Variants in COL4A3 observed in about 807,000 individuals in gnomAD.
The protein encoded by COL4A3 is collagen alpha-3(IV) chain.
A neutral mutation model predicts 217.4 loss-of-function variants in COL4A3; 135 were observed. The observed-to-expected ratio is 0.62, with a 90% CI of 0.54 to 0.72. The LOEUF (loss-of-function observed/expected upper bound fraction) is 0.72, where lower values mean the gene tolerates loss of function less well. COL4A3 is among the 30% of genes least tolerant of loss of function. COL4A3 has a pLI of 0.00. For missense variants in COL4A3, 1,868 were observed against 2,119.9 expected (o/e 0.88, Z 2.33); for synonymous variants, 690 against 736.3 (o/e 0.94, Z 1.02).
rs1268198866 is a variant in COL4A3 at position 227,274,938 on chromosome 2, T to C, written c.1928-1447T>C. Among the ~76,000 whole-genome samples, 3 of 152,240 alleles carry C rather than the reference T, an allele frequency of 2.0e-5. No homozygotes were observed. The East Asian group carries it at 5.8e-4, about 29-fold the overall frequency. On this transcript the variant is annotated intron_variant, in intron 26 of 51. Transcript: ENST00000396578. ...TCAAATGATTGAAAAAAATGTTTAATGATATTTTGTGATGCATGAAAATTA... is the reference window on the plus strand; with the variant it reads ...TCAAATGATTGAAAAAAATGTTTAACGATATTTTGTGATGCATGAAAATTA...
chr2:227,256,467 C>T, intron 17 of COL4A3, 71 bp downstream of exon 17: 1 of 1,220,114 alleles, frequency 8.2e-7, no homozygotes, highest in African/African-American at 1.5e-5. Context: ...ACCTCCAACC[C>T]TGGACCTAAG....
intron 1 of COL4A3, among the ~76,000 whole-genome samples, chr2:227,216,576 G>A (rs569688574): frequency 1.3e-5 from 2 of 152,082 alleles, no homozygotes; most frequent in South Asian, 4.2e-4. Flanking sequence ...AAGAAAGGAA[G>A]GTAGAAAGCC....
rs1268528698 is a variant in COL4A3, at chr2:227,164,870, C to T, written c.87+57C>T. Reference sequence around the variant, plus strand: ...CACTTCCATCCCTCCTCCACGCGTCCGGGGGACGCGCTGGCCCCACCCGCA... The same window carrying T: ...CACTTCCATCCCTCCTCCACGCGTCTGGGGGACGCGCTGGCCCCACCCGCA... On this transcript the variant is annotated intron_variant, in intron 1 of 51. Transcript: ENST00000396578. This position sits in a 1 kb window ranked among gnomAD's most constrained non-coding sequence, Gnocchi z 4.8. 3 of 1,427,838 alleles carry T rather than the reference C, an allele frequency of 2.1e-6. No individual in the cohort carries two copies. The highest frequency in any genetic ancestry group is 2.7e-6 in the Non-Finnish European group (3 of 1,097,044). The allele number at this position is 1,427,838 out of a possible 1,614,324, so 88.4% of individuals were successfully genotyped here. A position where few individuals can be genotyped will look rare whatever the true frequency, so the allele number is the denominator to read the frequency against.
In COL4A3 at chr2:227,289,201, C is replaced by A. The variant is rs1205708798; in HGVS notation, c.2933C>A (p.Pro978Gln). The change falls in exon 35 of 52, where the codon CCA becomes CAA. Residue 978 changes from proline to glutamine, a missense_variant. This residue lies in a region of COL4A3 where 1,503 missense variants were observed against 1,786.1 expected (regional missense o/e 0.84). Transcript: ENST00000396578. ...GGAAACAGAGGCGTTCCAGGGATGC[C>A]AGGTTTAAAGGGCCTCAAAGGACTA... The part of the protein sequence containing the change: ...EKGNRGVPGM[P>Q]GLKGLKGLPG... The A allele has an allele frequency of 1.2e-6, 2 of 1,613,740 alleles. No individual in the cohort carries two copies. Among genetic ancestry groups the A allele is most frequent in the African/African-American group, 2.7e-5 (2 of 74,870 alleles).
chr2:227,261,457 GC>G (rs2070561792), intron 20 of COL4A3, among the ~76,000 whole-genome samples: 1 of 152,220 alleles, frequency 6.6e-6, no homozygotes, highest in South Asian at 2.1e-4. Context: ...AACCTGGGAT[GC>G]GGAGGTTGCA....
chr2:227,274,272 A>AATAAATAAATAAATAAATAAATTT (rs1316074521), intron 26 of COL4A3, among the ~76,000 whole-genome samples: 3 of 149,190 alleles, frequency 2.0e-5, no homozygotes, highest in Non-Finnish European at 4.4e-5. Flanking sequence ...TAAATAAATA[A>AATAAATAAATAAATAAATAAATTT]ATTTTAAAAA....
chr2:227,239,156 T>A (rs2068872317), intron 2 of COL4A3, among the ~76,000 whole-genome samples: 1 of 152,106 alleles, frequency 6.6e-6, no homozygotes, highest in Admixed American at 6.5e-5. Context: ...GGTTTCTGAA[T>A]CCTCAGAATC....
At chr2:227,295,889 C>T (rs1306941942) in intron 41 of COL4A3, among the ~76,000 whole-genome samples, 1 of 152,202 alleles carries the variant, frequency 6.6e-6, no homozygotes, top group Non-Finnish European at 1.5e-5. Context: ...CATGTCAGTG[C>T]TTTACAAGAT....
At chr2:227,298,554 C>T in intron 42 of COL4A3, 128 bp from the exon 43 acceptor site, 2 of 1,348,998 alleles carry the variant, frequency 1.5e-6, no homozygotes, top group Non-Finnish European at 2.1e-6. Context: ...CCATCACATG[C>T]TCCAGGGGAA....
intron 1 of COL4A3, among the ~76,000 whole-genome samples, chr2:227,217,169 G>C (rs2067556924): frequency 6.6e-6 from 1 of 152,066 alleles, no homozygotes; most frequent in Non-Finnish European, 1.5e-5. Flanking sequence ...AACTGAAAGG[G>C]GTTTCCCCTT....
chr2:227,311,003 G>A, intron 51 of COL4A3, 55 bp downstream of exon 51: 1 of 1,599,388 alleles, frequency 6.3e-7, no homozygotes, highest in Non-Finnish European at 8.6e-7. Flanking sequence ...ACTATTCAAA[G>A]GTTGCCTGTG....
intron 9 of COL4A3, among the ~76,000 whole-genome samples, chr2:227,249,230 A>ATATATATATTTTTTTTTTTTTTTTTT: frequency 6.8e-5 from 1 of 14,690 alleles, no homozygotes; most frequent in Non-Finnish European, 1.2e-4. Flanking sequence ...ATATATATAT[A>ATATATATATTTTTTTTTTTTTTTTTT]TTTTTTTTTT....
Position 227,293,218 on chromosome 2 carries a change from G to C in COL4A3, c.3238G>C (p.Gly1080Arg). Residue 1080 changes from glycine to arginine, a missense_variant, in exon 38 of 52, where the codon GGA becomes CGA. Transcript: ENST00000396578. ...GGATCCAGGACTGCCGGGTGATATG[G>C]GAAAGAAAGGAGAAATGGGGCAACC... is the stretch of plus-strand genomic sequence containing the variant. ...TGDPGLPGDMGKKGEMGQPGP... is the reference protein window; with the variant it reads ...TGDPGLPGDMRKKGEMGQPGP... The C allele has an allele frequency of 1.2e-6, 2 of 1,613,990 alleles. No homozygotes were observed. Among genetic ancestry groups the C allele is most frequent in the Non-Finnish European group, 1.7e-6 (2 of 1,180,030 alleles).
At chr2:227,311,193 G>C (rs2073726089) in intron 51 of COL4A3, among the ~76,000 whole-genome samples, 2 of 152,050 alleles carry the variant, frequency 1.3e-5, no homozygotes, top group Non-Finnish European at 1.5e-5. Flanking sequence ...TGAATAATGT[G>C]GATAATTTAA....
intron 37 of COL4A3, among the ~76,000 whole-genome samples, chr2:227,291,824 A>G (rs979291023): frequency 2.5e-4 from 38 of 152,200 alleles, no homozygotes; most frequent in African/African-American, 8.9e-4. Context: ...TGTATTATAC[A>G]AAGCAGCAAC....
intron 1 of COL4A3, among the ~76,000 whole-genome samples, chr2:227,196,599 A>G (rs10174487): frequency 0.96 from 145,394 of 152,172 alleles, 69,491 homozygotes; most frequent in East Asian, 1. Context: ...TTACAGGCGT[A>G]AGCCACTGCG....
At chr2:227,277,603 G>A (rs1170402184) in intron 28 of COL4A3, 50 bp downstream of exon 28, 1 of 1,071,842 alleles carries the variant, frequency 9.3e-7, no homozygotes, top group Non-Finnish European at 1.4e-6. Context: ...ATATTTAGAA[G>A]ATGTTCATAT....
At chr2:227,255,074 A>C (rs941745761) in intron 15 of COL4A3, among the ~76,000 whole-genome samples, 1 of 152,184 alleles carries the variant, frequency 6.6e-6, no homozygotes, top group African/African-American at 2.4e-5. Flanking sequence ...TAGAGGAGAA[A>C]GAGAGCATAT....
At chr2:227,230,050 C>CAA (rs778888378) in intron 1 of COL4A3, among the ~76,000 whole-genome samples, 71 of 68,898 alleles carry the variant, frequency 1.0e-3, no homozygotes, top group South Asian at 2.7e-3. Flanking sequence ...GACTCCATCT[C>CAA]AAAAAAAAAA....
Sources: gnomAD v4.1 joint callset for allele counts (sites outside exome capture counted in the v4.1 genomes callset) on GRCh38, gnomAD v4.1.1 for gene constraint, gnomAD v4.1.1 regional missense constraint, Gnocchi (gnomAD v3.1) non-coding constraint, MANE v1.5 for transcripts, NCBI Gene and HGNC (gene_info 2026-07-23, HGNC 2026-07-21) for gene names.